WAC: variants seen among roughly 807,000 people sequenced by gnomAD.
WAC encodes WW domain-containing adapter protein with coiled-coil.
A neutral mutation model predicts 79.6 loss-of-function variants in WAC; 11 were observed. That is an observed-to-expected ratio of 0.14 (90% CI 0.09 to 0.23). The LOEUF (loss-of-function observed/expected upper bound fraction) is 0.23, where lower values mean the gene tolerates loss of function less well. Among genes scored for constraint, WAC ranks in the 10% least tolerant of loss-of-function variants. The probability of loss-of-function intolerance (pLI) is 1.00; values close to 1 mark genes in which losing one functional copy is unlikely to be tolerated. For synonymous variants in WAC, 304 were observed against 276.9 expected, an observed-to-expected ratio of 1.10 and a Z score of -0.97; for missense variants, 728 against 773.5, an observed-to-expected ratio of 0.94 and a Z score of 0.70.
Position 28,534,047 on chromosome 10 carries a change from G to C in WAC, c.78+13G>C. The C allele has an allele frequency of 6.3e-7, 1 of 1,577,250 alleles. No individual in the cohort carries two copies. Among genetic ancestry groups the C allele is most frequent in the Non-Finnish European group, 8.6e-7 (1 of 1,163,694 alleles). The stretch of plus-strand genomic sequence containing the variant: ...GCAGCCTTACCAGGTACCAGCCGAG[G>C]CCGGGGTGGAGGGATTGGAAGGGGC... On this transcript the variant is annotated intron_variant, in intron 2 of 13. Transcript: ENST00000354911.
chr10:28,570,490 A>G (rs188895307), intron 3 of WAC, among the ~76,000 whole-genome samples: 70 of 152,362 alleles, frequency 4.6e-4, no homozygotes, highest in African/African-American at 1.6e-3. Context: ...GTCTAAGAAC[A>G]GACTGAATTA....
chr10:28,586,799 A>T (rs928082746), intron 4 of WAC, among the ~76,000 whole-genome samples: 10 of 147,100 alleles, frequency 6.8e-5, no homozygotes, highest in African/African-American at 1.1e-4. Context: ...TTAGGAAAAA[A>T]ATGTTGCTTA....
chr10:28,534,117 AGTC>A, intron 2 of WAC, 83 bp downstream of exon 2: 1 of 1,352,992 alleles, frequency 7.4e-7, no homozygotes, highest in Non-Finnish European at 1.0e-6. Context: ...AGGCCTCAGA[AGTC>A]GATACAGGCC....
rs549580014 is a variant in WAC, at chr10:28,609,658, G to A, written c.1166-1041G>A. Among the ~76,000 whole-genome samples the A allele has an allele frequency of 4.7e-3, 717 of 152,184 alleles. 4 individuals are homozygous for A. The highest frequency in any genetic ancestry group is 0.016 in the African/African-American group (665 of 41,524). ...AATTCCAGCACTTGCTGAGGCTGGTGGGCCACTTAAGCCCAGACCAGCCTG... is the reference window on the plus strand; with the variant it reads ...AATTCCAGCACTTGCTGAGGCTGGTAGGCCACTTAAGCCCAGACCAGCCTG... On this transcript the variant is annotated intron_variant, in intron 8 of 13. Coordinates refer to ENST00000354911, the MANE Select transcript of WAC (RefSeq NM_016628.5).
chr10:28,618,910 GCTTT>G (rs777859140), intron 13 of WAC, among the ~76,000 whole-genome samples: 9 of 152,198 alleles, frequency 5.9e-5, no homozygotes, highest in Non-Finnish European at 1.0e-4. Context: ...AATAGCTACT[GCTTT>G]CTTTATTGTG....
At chr10:28,581,238 C>CTTTTTTTTT (rs71391053) in intron 3 of WAC, among the ~76,000 whole-genome samples, 2 of 66,088 alleles carry the variant, frequency 3.0e-5, no homozygotes, top group Non-Finnish European at 5.6e-5. Context: ...ATGAGCGATT[C>CTTTTTTTTT]TTTTTTTTTT....
At chr10:28,618,068 A>G in intron 13 of WAC, 1 of 213,872 alleles carries the variant, frequency 4.7e-6, no homozygotes, top group South Asian at 7.5e-5. Flanking sequence ...AACTAATTAT[A>G]AATGTCCTCT....
chr10:28,616,251 G>A lies in WAC; in HGVS notation c.1635G>A (p.Gln545=). Reference sequence around the variant, plus strand: ...CATCAAATGCAACAGTTGTACCACAGAATTCTTCTGCCCGATCCACGTGTT... The same window carrying A: ...CATCAAATGCAACAGTTGTACCACAAAATTCTTCTGCCCGATCCACGTGTT... ...SNASNATVVP[Q]NSSARSTCSL... The change falls in exon 12 of 14, where the codon CAG becomes CAA. Residue 545 remains glutamine (Q), a synonymous_variant. Transcript: ENST00000354911. The A allele has an allele frequency of 6.2e-7, 1 of 1,613,986 alleles. No individual in the cohort carries two copies. The highest frequency in any genetic ancestry group is 8.5e-7 in the Non-Finnish European group (1 of 1,179,936).
chr10:28,599,574 T>TGA (rs953134677), intron 7 of WAC, among the ~76,000 whole-genome samples: 7 of 152,194 alleles, frequency 4.6e-5, no homozygotes, highest in African/African-American at 1.4e-4. Flanking sequence ...GCACTGGTCA[T>TGA]GGTTTTTAAA....
chr10:28,609,743 G>A (rs1841134689), intron 8 of WAC, among the ~76,000 whole-genome samples: 1 of 151,902 alleles, frequency 6.6e-6, no homozygotes, highest in Admixed American at 6.6e-5. Context: ...GTGTGGTGGT[G>A]AACGCCTGTA....
intron 3 of WAC, among the ~76,000 whole-genome samples, chr10:28,564,349 C>G (rs1307648139): frequency 1.3e-5 from 2 of 152,068 alleles, no homozygotes; most frequent in African/African-American, 4.8e-5. Context: ...AGCTAGAAGG[C>G]AAAAATGAGT....
At position 28,586,900 on chromosome 10, in the gene WAC, G is replaced by C. The variant is rs1839846906; in HGVS notation, c.382-2836G>C. ...CTGGGATGTGCTTAAGTTCAATCCT[G>C]TATGAGTTTGCATTCATATTCCAGC... is the stretch of plus-strand genomic sequence containing the variant. On this transcript the variant is annotated intron_variant, in intron 4 of 13. Coordinates refer to ENST00000354911, the MANE Select transcript of WAC (RefSeq NM_016628.5). Among the ~76,000 whole-genome samples, 2 of 152,266 alleles carry C rather than the reference G, an allele frequency of 1.3e-5. 1 individual carries two copies.
chr10:28,606,119 A>G (rs918162257), intron 7 of WAC, among the ~76,000 whole-genome samples: 7 of 151,524 alleles, frequency 4.6e-5, no homozygotes, highest in Admixed American at 4.6e-4. Context: ...TGGCTGAATC[A>G]CGGCTTAATG....
At chr10:28,592,438 A>G (rs1840139767) in intron 6 of WAC, among the ~76,000 whole-genome samples, 1 of 152,120 alleles carries the variant, frequency 6.6e-6, no homozygotes, top group South Asian at 2.1e-4. Context: ...CCTGGCCAAC[A>G]TGGTGAAACC....
intron 3 of WAC, among the ~76,000 whole-genome samples, chr10:28,563,138 CAA>C (rs1194558224): frequency 1.3e-5 from 2 of 152,136 alleles, no homozygotes; most frequent in Non-Finnish European, 2.9e-5. Context: ...CTCCTGACCT[CAA>C]GTGATCTGCC....
At chr10:28,549,687 G>A (rs1837555505) in intron 3 of WAC, among the ~76,000 whole-genome samples, 1 of 152,106 alleles carries the variant, frequency 6.6e-6, no homozygotes, top group Admixed American at 6.6e-5. Flanking sequence ...TCTTAATTAT[G>A]TTGTATTGAT....
intron 3 of WAC, among the ~76,000 whole-genome samples, chr10:28,555,022 C>T (rs1246698756): frequency 1.3e-5 from 2 of 152,160 alleles, no homozygotes; most frequent in African/African-American, 4.8e-5. Context: ...GTGTCTGAAA[C>T]AGAATTGTGT....
chr10:28,556,461 C>T (rs1305350568), intron 3 of WAC, among the ~76,000 whole-genome samples: 5 of 129,506 alleles, frequency 3.9e-5, no homozygotes, highest in Non-Finnish European at 6.4e-5. Flanking sequence ...TACTTAACCC[C>T]TTATCACAAA....
At chr10:28,561,760 G>A (rs1017017914) in intron 3 of WAC, among the ~76,000 whole-genome samples, 3 of 152,132 alleles carry the variant, frequency 2.0e-5, no homozygotes, top group African/African-American at 7.2e-5. Context: ...CCGGAGTTCC[G>A]CCTCCTGTCA....
Sources: gnomAD v4.1 joint callset for allele counts (sites outside exome capture counted in the v4.1 genomes callset) on GRCh38, gnomAD v4.1.1 for gene constraint, MANE v1.5 for transcripts, NCBI Gene and HGNC (gene_info 2026-07-23, HGNC 2026-07-21) for gene names.